The following MYRIP variants were observed in gnomAD, a reference collection of about 807,000 sequenced individuals.
MYRIP encodes rab effector MyRIP.
Under a neutral mutation model 98.0 loss-of-function variants are expected in MYRIP, and 49 were observed. That is an observed-to-expected ratio of 0.50 (90% CI 0.40 to 0.63). The LOEUF (loss-of-function observed/expected upper bound fraction) is 0.63, where lower values mean the gene tolerates loss of function less well. Ranked by LOEUF, MYRIP falls within the 30% of genes least tolerant of loss-of-function variation. The pLI is 0.00. For synonymous variants in MYRIP, 404 were observed against 409.5 expected, an observed-to-expected ratio of 0.99 and a Z score of 0.16; for missense variants, 1,004 against 1,058.2, an observed-to-expected ratio of 0.95 and a Z score of 0.71.
At chr3:39,921,088 T>G (rs1944292559) in intron 2 of MYRIP, among the ~76,000 whole-genome samples, 1 of 152,220 alleles carries the variant, frequency 6.6e-6, no homozygotes, top group African/African-American at 2.4e-5. Flanking sequence ...AGCCTCTCAC[T>G]AAAATTAACG....
At chr3:40,064,624 A>G (rs1033500973) in intron 3 of MYRIP, among the ~76,000 whole-genome samples, 1 of 152,214 alleles carries the variant, frequency 6.6e-6, no homozygotes, top group Non-Finnish European at 1.5e-5. Flanking sequence ...AGGCAAGGAC[A>G]GTGTCCTGAA....
chr3:40,041,022 GAAAAAAAAAAA>G, intron 2 of MYRIP, among the ~76,000 whole-genome samples: 5 of 41,210 alleles, frequency 1.2e-4, no homozygotes, highest in Non-Finnish European at 1.9e-4. Flanking sequence ...ATTACCAGCA[GAAAAAAAAAAA>G]AAAAAAAAAT....
intron 4 of MYRIP, among the ~76,000 whole-genome samples, chr3:40,152,970 T>C (rs1027917021): frequency 4.6e-4 from 60 of 130,904 alleles, no homozygotes; most frequent in African/African-American, 1.6e-3. Context: ...AAAAAAAAAA[T>C]TAGTCAGATG....
intron 4 of MYRIP, among the ~76,000 whole-genome samples, chr3:40,158,044 A>T (rs1462132436): frequency 2.0e-5 from 3 of 151,580 alleles, no homozygotes; most frequent in Non-Finnish European, 4.4e-5. Context: ...CTAGCTTTTG[A>T]ATGTGTTTGC....
intron 3 of MYRIP, among the ~76,000 whole-genome samples, chr3:40,051,489 C>CTA (rs1425729187): frequency 6.6e-6 from 1 of 152,094 alleles, no homozygotes; most frequent in Non-Finnish European, 1.5e-5. Flanking sequence ...ATTTAATAGA[C>CTA]TACAGTATAG....
chr3:39,915,597 T>C (rs1944134488), intron 2 of MYRIP, among the ~76,000 whole-genome samples: 1 of 151,960 alleles, frequency 6.6e-6, no homozygotes, highest in Non-Finnish European at 1.5e-5. Flanking sequence ...TAAAAGACTC[T>C]CTCCAACCAA....
intron 9 of MYRIP, among the ~76,000 whole-genome samples, chr3:40,184,664 A>G (rs1355741673): frequency 6.6e-6 from 1 of 152,250 alleles, no homozygotes; most frequent in African/African-American, 2.4e-5. Flanking sequence ...TATTATAAAA[A>G]CAACTACAAG....
intron 3 of MYRIP, among the ~76,000 whole-genome samples, chr3:40,098,985 T>C (rs1948888169): frequency 1.3e-5 from 2 of 152,160 alleles, no homozygotes; most frequent in African/African-American, 4.8e-5. Flanking sequence ...GTTTGTTTCA[T>C]TCAGCACCAG....
chr3:40,165,577 G>A (rs1167497146), intron 5 of MYRIP, among the ~76,000 whole-genome samples: 1 of 152,064 alleles, frequency 6.6e-6, no homozygotes, highest in Non-Finnish European at 1.5e-5. Flanking sequence ...CTACATTCCT[G>A]CACATGATGT....
chr3:39,907,156 G>A (rs1420895542), intron 2 of MYRIP, among the ~76,000 whole-genome samples: 1 of 152,162 alleles, frequency 6.6e-6, no homozygotes, highest in South Asian at 2.1e-4. Flanking sequence ...CAAAGGCCAT[G>A]TTCCCTCCTC....
At chr3:40,080,277 C>A (rs1428352454) in intron 3 of MYRIP, among the ~76,000 whole-genome samples, 1 of 152,018 alleles carries the variant, frequency 6.6e-6, no homozygotes, top group African/African-American at 2.4e-5. Context: ...TGGCACAAAC[C>A]CAGCTTGGTT....
At chr3:39,834,735 A>G (rs1278028946) in intron 1 of MYRIP, among the ~76,000 whole-genome samples, 2 of 152,174 alleles carry the variant, frequency 1.3e-5, no homozygotes, top group African/African-American at 4.8e-5. Flanking sequence ...TGAAAATTTT[A>G]TCACAAAATG....
At chr3:40,210,178 G>C (rs1261290917) in intron 11 of MYRIP, 85 bp downstream of exon 11, 6 of 1,484,172 alleles carry the variant, frequency 4.0e-6, no homozygotes, top group Non-Finnish European at 5.4e-6. Flanking sequence ...GCAGAAAGCT[G>C]CTGGGTCCCC....
At chr3:40,178,954 C>T (rs911643744) in intron 8 of MYRIP, among the ~76,000 whole-genome samples, 4 of 152,208 alleles carry the variant, frequency 2.6e-5, no homozygotes, top group African/African-American at 9.7e-5. Flanking sequence ...CACTCTAACT[C>T]AGACCAGCTC....
At chr3:40,225,060 G>C (rs1218012202) in intron 11 of MYRIP, among the ~76,000 whole-genome samples, 1 of 152,188 alleles carries the variant, frequency 6.6e-6, no homozygotes, top group Non-Finnish European at 1.5e-5. Flanking sequence ...CCATTGAAAA[G>C]GAGAAAAATA....
At chr3:39,900,972 G>T (rs1236830239) in intron 2 of MYRIP, 46 bp downstream of exon 2, 1 of 1,446,054 alleles carries the variant, frequency 6.9e-7, no homozygotes, top group East Asian at 2.3e-5. Context: ...ACCACATGTG[G>T]ACAAGCGTAA....
intron 1 of MYRIP, among the ~76,000 whole-genome samples, chr3:39,821,911 A>G (rs1297333823): frequency 6.6e-6 from 1 of 152,194 alleles, no homozygotes; most frequent in Non-Finnish European, 1.5e-5. Flanking sequence ...GCAGAGATTC[A>G]TATCTGTTTA....
intron 3 of MYRIP, among the ~76,000 whole-genome samples, chr3:40,129,238 A>T (rs560190707): frequency 6.6e-6 from 1 of 151,584 alleles, no homozygotes; most frequent in East Asian, 1.9e-4. Context: ...GGAGTTCAAG[A>T]CTAGCCTGGC....
At chr3:39,946,067 T>G (rs184492894) in intron 2 of MYRIP, among the ~76,000 whole-genome samples, 1 of 151,506 alleles carries the variant, frequency 6.6e-6, no homozygotes, top group East Asian at 1.9e-4. Flanking sequence ...AGAACAAAGA[T>G]CTAAGAAAGC....
Sources: gnomAD v4.1 joint callset for allele counts (sites outside exome capture counted in the v4.1 genomes callset) on GRCh38, gnomAD v4.1.1 for gene constraint, MANE v1.5 for transcripts, NCBI Gene and HGNC (gene_info 2026-07-23, HGNC 2026-07-21) for gene names.